RECQL5: variants seen among roughly 807,000 people sequenced by gnomAD.
RECQL5 encodes the protein ATP-dependent DNA helicase Q5.
In RECQL5, 88 loss-of-function variants were observed where a neutral mutation model predicts 103.4. That is an observed-to-expected ratio of 0.85 (90% confidence interval 0.72 to 1.02). RECQL5 has a LOEUF of 1.02. Ranked by LOEUF, RECQL5 falls within the 50% of genes least tolerant of loss-of-function variation. The pLI is 0.00. For synonymous variants in RECQL5, 552 were observed against 507.9 expected (o/e 1.09, Z -1.17); for missense variants, 1,232 against 1,284.3 (o/e 0.96, Z 0.62).
chr17:75,628,671 C>A lies in RECQL5; in HGVS notation c.2580+1G>T. On this transcript the variant is annotated splice_donor_variant, in intron 17 of 19. Coordinates refer to ENST00000317905, the MANE Select transcript of RECQL5 (RefSeq NM_004259.7). LOFTEE classifies it high-confidence loss of function. ...CCCAACAGACTCATCCCTGCCGGCA[C>A]CTGCTGGGATCGAGGCCGCTTGCCC... 2.5e-6 allele frequency: 4 copies of A among 1,585,016 alleles called. No individual in the cohort carries two copies. Among genetic ancestry groups the A allele is most frequent in the Non-Finnish European group, 3.4e-6 (4 of 1,172,204 alleles).
chr17:75,635,238 G>A (rs1247270849), intron 8 of RECQL5, among the ~76,000 whole-genome samples: 1 of 152,196 alleles, frequency 6.6e-6, no homozygotes, highest in African/African-American at 2.4e-5. Context: ...AAGCTCCTGC[G>A]GTGTTGGGAG....
rs1193837908 is a variant in RECQL5 at position 75,640,836 on chromosome 17, C to T, written c.1230-9168G>A. On this transcript the variant is annotated intron_variant, in intron 8 of 19. Transcript: ENST00000317905. The surrounding 1 kb of genome is among the most constrained non-coding windows in gnomAD (Gnocchi z 4.6). ...CTGATAGCCTGCAGCTGCTGCTGCA[C>T]TCACTGCTGCTGCCCTGAGCGGAGA... The T allele has an allele frequency of 6.5e-7, 1 of 1,549,428 alleles. No individual in the cohort carries two copies. The highest frequency in any genetic ancestry group is 8.7e-7 in the Non-Finnish European group (1 of 1,146,616).
intron 8 of RECQL5, chr17:75,648,914 A>C (rs142742338): frequency 0.026 from 3,917 of 149,894 alleles, 257 homozygotes; most frequent in Admixed American, 0.14. Context: ...GCTGGTCTTG[A>C]ACTCCCAGGC....
Position 75,658,455 on chromosome 17 carries a change from A to G in RECQL5, c.992T>C (p.Val331Ala). Residue 331 changes from valine (V) to alanine (A), a missense_variant, in exon 7 of 20, where the codon GTC becomes GCC. Coordinates refer to ENST00000317905, the MANE Select transcript of RECQL5 (RefSeq NM_004259.7). ...MGVDKANVRF[V>A]AHWNIAKSMA... ...AGACTTGGCAATATTCCAATGGGCGACAAACCTGTAGGATCCAAAGGGACA... is the reference window on the plus strand; with the variant it reads ...AGACTTGGCAATATTCCAATGGGCGGCAAACCTGTAGGATCCAAAGGGACA... The G allele has an allele frequency of 6.2e-7, 1 of 1,613,568 alleles. No individual in the cohort carries two copies. Among genetic ancestry groups the G allele is most frequent in the Non-Finnish European group, 8.5e-7 (1 of 1,179,638 alleles).
Position 75,665,120 on chromosome 17 carries a change from G to A in RECQL5, c.183C>T (p.Cys61=), listed in dbSNP as rs1418811110. The part of the protein sequence containing the change: ...CMPTGAGKSL[C]YQLPALLAKG... ...TGGCCAACAGAGCAGGGAGCTGATA[G>A]CATAGGGATTTTCCTGCCCCTGTGG... The change falls in exon 3 of 20, where the codon TGC becomes TGT. Residue 61 remains cysteine, a synonymous_variant. Coordinates refer to ENST00000317905, the MANE Select transcript of RECQL5 (RefSeq NM_004259.7). 2.0e-5 allele frequency: 33 copies of A among 1,612,248 alleles called. No individual in the cohort carries two copies. Among genetic ancestry groups the A allele is most frequent in the Non-Finnish European group, 2.6e-5 (31 of 1,179,408 alleles).
rs539899324 is a variant in RECQL5, at chr17:75,657,489, C to T, written c.1149+809G>A. ...TAAGGCCGGGAGCAGTAGCTCACACCTGTAATCTCAGTAGTTTGGGAGTTT... is the reference window on the plus strand; with the variant it reads ...TAAGGCCGGGAGCAGTAGCTCACACTTGTAATCTCAGTAGTTTGGGAGTTT... On this transcript the variant is annotated intron_variant, in intron 7 of 19. Coordinates refer to ENST00000317905, the MANE Select transcript of RECQL5 (RefSeq NM_004259.7). Among the ~76,000 whole-genome samples, 5 of 152,186 alleles carry T rather than the reference C, an allele frequency of 3.3e-5. No individual in the cohort carries two copies. In the South Asian group the frequency reaches 6.2e-4, roughly 19 times the overall value.
chr17:75,637,240 C>T (rs895124452), intron 8 of RECQL5: 4 of 152,484 alleles, frequency 2.6e-5, no homozygotes, highest in African/African-American at 9.6e-5. Flanking sequence ...GGGTGTGGCA[C>T]AAGCGAAAAA....
chr17:75,662,621 T>C lies in RECQL5; in HGVS notation c.629A>G (p.Lys210Arg), dbSNP rs748566945. The stretch of plus-strand genomic sequence containing the variant: ...AGTCTTGAAGATGGCAACTGGTTTC[T>C]TCAGGTGCAGGGCAGCAAACACGTC... ...QEDVFAALHL[K>R]KPVAIFKTPC... The change falls in exon 4 of 20, where the codon AAG (lysine) becomes AGG (arginine). Residue 210 changes from lysine to arginine, a missense_variant. Lys to Arg is a conservative substitution (Grantham distance 26). Coordinates refer to ENST00000317905, the MANE Select transcript of RECQL5 (RefSeq NM_004259.7). 5 of 1,614,196 alleles carry C rather than the reference T, an allele frequency of 3.1e-6. No homozygotes were observed. Among genetic ancestry groups the C allele is most frequent in the African/African-American group, 1.3e-5 (1 of 75,052 alleles).
rs200763829 is a variant in RECQL5, at chr17:75,631,009, C to T, written c.1550G>A (p.Gly517Asp). 30 of 1,613,758 alleles carry T rather than the reference C, an allele frequency of 1.9e-5. No individual in the cohort carries two copies. The highest frequency in any genetic ancestry group is 2.3e-5 in the Non-Finnish European group (27 of 1,179,932). Residue 517 changes from glycine to aspartate, a missense_variant and splice_region_variant, in exon 11 of 20, where the codon GGC (glycine) becomes GAC (aspartate). Physicochemically the swap from Gly to Asp is moderately conservative, Grantham distance 94 (BLOSUM62 -1). Coordinates refer to ENST00000317905, the MANE Select transcript of RECQL5 (RefSeq NM_004259.7). ...AAATTCTTCTATCTTGGGGTCTTTG[C>T]CCTGGAGGACAACATGAAGGACCCA... ...FYQKQMQLRK[G>D]KDPKIEEFVP...
chr17:75,635,761 G>C, intron 8 of RECQL5: 1 of 984,102 alleles, frequency 1.0e-6, no homozygotes, highest in Non-Finnish European at 1.2e-6. Context: ...GAAACAACAG[G>C]GCAGAGCAAG....
chr17:75,644,911 T>TA (rs2059472644), intron 8 of RECQL5, among the ~76,000 whole-genome samples: 1 of 152,136 alleles, frequency 6.6e-6, no homozygotes, highest in Non-Finnish European at 1.5e-5. Flanking sequence ...AAAGAACACC[T>TA]AAGTTCTCTA....
At chr17:75,665,285 A>G in intron 2 of RECQL5, 113 bp from the exon 3 acceptor site, 1 of 961,656 alleles carries the variant, frequency 1.0e-6, no homozygotes, top group Non-Finnish European at 1.6e-6. Flanking sequence ...GGCACATGGG[A>G]GGGTCTCGAT....
At chr17:75,665,479 C>T (rs1043715123) in intron 2 of RECQL5, among the ~76,000 whole-genome samples, 1 of 152,080 alleles carries the variant, frequency 6.6e-6, no homozygotes, top group Non-Finnish European at 1.5e-5. Flanking sequence ...ATCACGAGGG[C>T]AAGAGTTTGA....
rs766484304 is a variant in RECQL5 at position 75,630,666 on chromosome 17, CA to C, written c.1670del (p.Leu557ArgfsTer5). On this transcript the variant is annotated frameshift_variant, in exon 13 of 20. Transcript: ENST00000317905. LOFTEE classifies it high-confidence loss of function. ...VKAREHCLRL[L>X]EEALSSNRQS... ...GGCGGTTGCTGCTCAGCGCCTCCTC[CA>C]GAAGCCGCAGGCAGTGCTCCCGTGC... 4 of 1,613,432 alleles carry C rather than the reference CA, an allele frequency of 2.5e-6. No homozygotes were observed. The highest frequency in any genetic ancestry group is 2.5e-6 in the Non-Finnish European group (3 of 1,179,948).
intron 6 of RECQL5, 80 bp from the exon 7 acceptor site, chr17:75,658,540 A>AG: frequency 7.3e-7 from 1 of 1,370,692 alleles, no homozygotes; most frequent in Non-Finnish European, 1.0e-6. Context: ...TGACTAGGAG[A>AG]GCAGGGAGGC....
At chr17:75,632,412 C>T (rs532850599) in intron 8 of RECQL5, among the ~76,000 whole-genome samples, 93 of 152,360 alleles carry the variant, frequency 6.1e-4, no homozygotes, top group Non-Finnish European at 1.1e-3. Flanking sequence ...CCTAAGTATA[C>T]TCTGTGACCG....
Position 75,628,241 on chromosome 17 carries a change from T to C in RECQL5, c.2782A>G (p.Lys928Glu), listed in dbSNP as rs749936863. 6.2e-7 allele frequency: 1 copy of C among 1,613,940 alleles called. No homozygotes were observed. The highest frequency in any genetic ancestry group is 2.2e-5 in the East Asian group (1 of 44,880). Reference sequence around the variant, plus strand: ...ACCTTGGAAGCAAACTTGCCCTCCTTGTAGAAAGGGGTGAGGCACTTGACC... The same window carrying C: ...ACCTTGGAAGCAAACTTGCCCTCCTCGTAGAAAGGGGTGAGGCACTTGACC... ...VVVKCLTPFYKEGKFASKELF... is the reference protein window; with the variant it reads ...VVVKCLTPFYEEGKFASKELF... Residue 928 changes from lysine (K) to glutamate (E), a missense_variant, in exon 18 of 20, where the codon AAG becomes GAG. Lys to Glu is a moderately conservative substitution (Grantham distance 56). Transcript: ENST00000317905.
chr17:75,636,239 G>A lies in RECQL5; in HGVS notation c.1230-4571C>T, dbSNP rs1468474714. ...GCCTCCAACCAAGGCACTACTGAGC[G>A]TGGGGTTGGGAGGGACTCTGGTTGC... is the stretch of plus-strand genomic sequence containing the variant. On this transcript the variant is annotated intron_variant, in intron 8 of 19. Coordinates refer to ENST00000317905, the MANE Select transcript of RECQL5 (RefSeq NM_004259.7). The surrounding 1 kb of genome is among the most constrained non-coding windows in gnomAD (Gnocchi z 5.4). Among the ~76,000 whole-genome samples the A allele has an allele frequency of 2.6e-5, 4 of 152,314 alleles. No individual in the cohort carries two copies. The highest frequency in any genetic ancestry group is 4.4e-5 in the Non-Finnish European group (3 of 68,022).
chr17:75,651,594 G>A (rs1178255187), intron 7 of RECQL5, among the ~76,000 whole-genome samples: 6 of 151,878 alleles, frequency 4.0e-5, no homozygotes, highest in Admixed American at 6.6e-5. Context: ...ACTGCACTCC[G>A]TCTCAAAAAC....
Sources: allele counts gnomAD v4.1 joint callset (sites outside exome capture counted in the v4.1 genomes callset), GRCh38; gene constraint gnomAD v4.1.1; non-coding constraint Gnocchi (gnomAD v3.1); transcripts MANE v1.5; gene names NCBI Gene and HGNC (gene_info 2026-07-23, HGNC 2026-07-21).